Variants in AMACR observed in about 807,000 individuals in gnomAD.
AMACR encodes the protein 2-methylacyl-CoA racemase.
Under a neutral mutation model 22.2 loss-of-function variants are expected in AMACR, and 18 were observed. The ratio of observed to expected loss-of-function variants is 0.81; its 90% CI spans 0.56 to 1.20. The LOEUF is 1.20. Among genes scored for constraint, AMACR ranks in the 50% most tolerant of loss-of-function variants. The pLI is 0.00. For missense variants in AMACR, 499 were observed against 490.6 expected, an observed-to-expected ratio of 1.02 and a Z score of -0.16; for synonymous variants, 213 against 191.3, an observed-to-expected ratio of 1.11 and a Z score of -0.94.
At position 34,007,984 on chromosome 5, in the gene AMACR, G is replaced by T; in HGVS notation, c.36C>A (p.Ser12=). Residue 12 remains serine (S), a synonymous_variant, in exon 1 of 5, where the codon TCC becomes TCA. Transcript: ENST00000335606. The part of the protein sequence containing the change: ...ALQGISVVEL[S]GLAPGPFCAM... ...CACAGAACGGGCCCGGGGCCAGGCC[G>T]GACAGCTCCACGACCGAGATGCCCT... 1.9e-6 allele frequency: 3 copies of T among 1,611,632 alleles called. No individual in the cohort carries two copies. The highest frequency in any genetic ancestry group is 2.5e-6 in the Non-Finnish European group (3 of 1,179,778).
intron 4 of AMACR, among the ~76,000 whole-genome samples, chr5:33,994,693 TA>T (rs1753584133): frequency 1.3e-5 from 2 of 152,112 alleles, no homozygotes; most frequent in Non-Finnish European, 2.9e-5. Flanking sequence ...GGATCCTAGG[TA>T]AACTATGAAG....
chr5:33,989,083 G>A lies in AMACR; in HGVS notation c.*10C>T, dbSNP rs1325622608. On this transcript the variant is annotated 3_prime_UTR_variant, in exon 5 of 5. Transcript: ENST00000335606. The stretch of plus-strand genomic sequence containing the variant: ...AGTATTCAAATTCACTTGAGCCGTG[G>A]GCCTGGAAGTTAGAGACTAGCTTTT... 1.9e-6 allele frequency: 3 copies of A among 1,614,026 alleles called. No homozygotes were observed. Among genetic ancestry groups the A allele is most frequent in the Non-Finnish European group, 2.5e-6 (3 of 1,180,016 alleles).
At position 33,988,305 on chromosome 5, in the gene AMACR, T is replaced by C; in HGVS notation, c.*788A>G. ...AACGACTTGCTGGGGGGTCCTGAGATCTTTATTTCTGGATGTTGCTGTGTG... is the reference window on the plus strand; with the variant it reads ...AACGACTTGCTGGGGGGTCCTGAGACCTTTATTTCTGGATGTTGCTGTGTG... On this transcript the variant is annotated 3_prime_UTR_variant, in exon 5 of 5. Coordinates refer to ENST00000335606, the MANE Select transcript of AMACR (RefSeq NM_014324.6). The C allele has an allele frequency of 1.3e-6, 2 of 1,539,670 alleles. No individual in the cohort carries two copies. Among genetic ancestry groups the C allele is most frequent in the East Asian group, 2.4e-5 (1 of 41,382 alleles).
At chr5:34,006,377 C>T (rs1294222246) in intron 1 of AMACR, among the ~76,000 whole-genome samples, 1 of 152,212 alleles carries the variant, frequency 6.6e-6, no homozygotes, top group Non-Finnish European at 1.5e-5. Flanking sequence ...TAGCACCCAT[C>T]TGTAGAAAGA....
At position 33,989,439 on chromosome 5, in the gene AMACR, T is replaced by A. The variant is rs151086469; in HGVS notation, c.803A>T (p.Lys268Met). The A allele has an allele frequency of 3.1e-6, 5 of 1,614,190 alleles. No individual in the cohort carries two copies. The Admixed American group carries it at 8.3e-5, about 27-fold the overall frequency. The change falls in exon 5 of 5, where the codon AAG (lysine) becomes ATG (methionine). Residue 268 changes from lysine to methionine, a missense_variant. By Grantham distance (95) the Lys-to-Met change is moderately conservative. Transcript: ENST00000335606. ...QMSMDDWPEM[K>M]KKFADVFAEK... is the part of the protein sequence containing the mutation. Reference sequence around the variant, plus strand: ...TGCAAATACATCTGCAAACTTCTTCTTCATTTCTGGCCAATCATCCATGCT... The same window carrying A: ...TGCAAATACATCTGCAAACTTCTTCATCATTTCTGGCCAATCATCCATGCT...
chr5:33,997,124 T>C, intron 4 of AMACR: 1 of 748,990 alleles, frequency 1.3e-6, no homozygotes, highest in Middle Eastern at 3.6e-4. Flanking sequence ...TCAACGGCAG[T>C]TTCCTTTAAG....
chr5:33,990,740 G>A (rs1171771685), intron 4 of AMACR, among the ~76,000 whole-genome samples: 2 of 152,214 alleles, frequency 1.3e-5, no homozygotes. Flanking sequence ...ATTGTAAATT[G>A]CTCTGAAGAT....
chr5:33,993,850 G>A (rs1753557519), intron 4 of AMACR: 1 of 302,070 alleles, frequency 3.3e-6, no homozygotes, highest in Admixed American at 4.1e-5. Flanking sequence ...AGTGAGCCGA[G>A]ATCATGCCAC....
At position 33,987,605 on chromosome 5, in the gene AMACR, G is replaced by A. The variant is rs2112028624; in HGVS notation, c.*1488C>T. The stretch of plus-strand genomic sequence containing the variant: ...CCTTCTGATAATTTCATATTTTTGT[G>A]AGACTGGGTTTTCCAGGCCATCTGA... On this transcript the variant is annotated 3_prime_UTR_variant, in exon 5 of 5. Transcript: ENST00000335606. 1 of 152,222 alleles carries A rather than the reference G, an allele frequency of 6.6e-6. No homozygotes were observed. Among genetic ancestry groups the A allele is most frequent in the African/African-American group, 2.4e-5 (1 of 41,530 alleles). 9.4% of individuals were successfully genotyped at this position (152,222 alleles called of 1,614,324 possible).
At chr5:34,001,320 A>C (rs1159149474) in intron 3 of AMACR, among the ~76,000 whole-genome samples, 1 of 152,232 alleles carries the variant, frequency 6.6e-6, no homozygotes, top group African/African-American at 2.4e-5. Flanking sequence ...CCTGGGGCCA[A>C]AGAGGACTTA....
chr5:33,989,193 G>A lies in AMACR; in HGVS notation c.1049C>T (p.Thr350Ile). 4 of 1,614,150 alleles carry A rather than the reference G, an allele frequency of 2.5e-6. No homozygotes were observed. The highest frequency in any genetic ancestry group is 3.4e-6 in the Non-Finnish European group (4 of 1,180,018). The stretch of plus-strand genomic sequence containing the variant: ...TCCAAATTCTTCAAGTATCTCCTCA[G>A]TGTGTTCTCCTATGAAAGGATCCCT... ...FKRDPFIGEH[T>I]EEILEEFGFS... is the part of the protein sequence containing the mutation. Residue 350 changes from threonine to isoleucine, a missense_variant, in exon 5 of 5, where the codon ACT (threonine) becomes ATT (isoleucine). Physicochemically the swap from Thr to Ile is moderately conservative, Grantham distance 89. Transcript: ENST00000335606.
At chr5:34,007,081 A>G (rs1233700903) in intron 1 of AMACR, among the ~76,000 whole-genome samples, 2 of 152,244 alleles carry the variant, frequency 1.3e-5, no homozygotes, top group Non-Finnish European at 2.9e-5. Flanking sequence ...TTTGAGATTC[A>G]GGCATTCACT....
intron 3 of AMACR, among the ~76,000 whole-genome samples, chr5:34,003,834 G>A (rs6888921): frequency 0.083 from 12,589 of 152,194 alleles, 1,792 homozygotes; most frequent in African/African-American, 0.29. Flanking sequence ...TGTCTCCTCA[G>A]ATCCATTCTC....
intron 4 of AMACR, among the ~76,000 whole-genome samples, chr5:33,993,708 G>C (rs1256167037): frequency 6.6e-6 from 1 of 152,128 alleles, no homozygotes; most frequent in African/African-American, 2.4e-5. Flanking sequence ...AGACCAGCCT[G>C]GTCAACATGG....
At position 34,005,813 on chromosome 5, in the gene AMACR, G is replaced by T; in HGVS notation, c.334C>A (p.Gln112Lys). Residue 112 changes from glutamine to lysine, a missense_variant, in exon 2 of 5, where the codon CAG (glutamine) becomes AAG (lysine). By Grantham distance (53) the Gln-to-Lys change is moderately conservative. Transcript: ENST00000335606. ...GCTAACCGGCAGAAGCTTCCTGACT[G>T]GCCAAATCCACTCAGCCTGGCATAA... is the stretch of plus-strand genomic sequence containing the variant. ...LIYARLSGFGQSGSFCRLAGH... is the reference protein window; with the variant it reads ...LIYARLSGFGKSGSFCRLAGH... The T allele has an allele frequency of 6.2e-7, 1 of 1,614,044 alleles. No homozygotes were observed. Among genetic ancestry groups the T allele is most frequent in the Non-Finnish European group, 8.5e-7 (1 of 1,180,016 alleles).
At position 33,988,500 on chromosome 5, in the gene AMACR, T is replaced by G. The variant is rs1288932584; in HGVS notation, c.*593A>C. 7.0e-7 allele frequency: 1 copy of G among 1,418,460 alleles called. No homozygotes were observed. The highest frequency in any genetic ancestry group is 9.2e-7 in the Non-Finnish European group (1 of 1,089,562). 87.9% of individuals were successfully genotyped at this position (1,418,460 alleles called of 1,614,324 possible). ...ACTCTACGTAGTGAGCCAACACATTTCCTCATTATTTTGGATATGTTTTTT... is the reference window on the plus strand; with the variant it reads ...ACTCTACGTAGTGAGCCAACACATTGCCTCATTATTTTGGATATGTTTTTT... On this transcript the variant is annotated 3_prime_UTR_variant, in exon 5 of 5. Transcript: ENST00000335606.
intron 4 of AMACR, among the ~76,000 whole-genome samples, chr5:33,995,703 C>G (rs938108945): frequency 1.3e-5 from 2 of 152,174 alleles, no homozygotes; most frequent in Admixed American, 1.3e-4. Flanking sequence ...TTTAAAATAA[C>G]AGGATACACC....
rs757072374 is a variant in AMACR at position 34,005,858 on chromosome 5, G to T, written c.289C>A (p.Arg97=). 1.1e-5 allele frequency: 17 copies of T among 1,614,060 alleles called. No homozygotes were observed. The Admixed American group carries it at 1.2e-4, about 11-fold the overall frequency. ...KLQLGPEILQ[R]ENPRLIYARL... ...GCATAAATAAGCCTTGGATTTTCCC[G>T]CTGCAGAATCTCTGGGCCCAGCTGG... Residue 97 remains arginine (R), a synonymous_variant, in exon 2 of 5, where the codon CGG becomes AGG. Transcript: ENST00000335606.
intron 3 of AMACR, among the ~76,000 whole-genome samples, chr5:34,003,484 T>G (rs1753880709): frequency 6.6e-6 from 1 of 152,166 alleles, no homozygotes; most frequent in Non-Finnish European, 1.5e-5. Flanking sequence ...ATCTCCATTT[T>G]ACAAAGGAAA....
Sources: gnomAD v4.1 joint callset for allele counts (sites outside exome capture counted in the v4.1 genomes callset) on GRCh38, gnomAD v4.1.1 for gene constraint, MANE v1.5 for transcripts, NCBI Gene and HGNC (gene_info 2026-07-23, HGNC 2026-07-21) for gene names.